Variants in SHROOM4 observed in about 807,000 individuals in gnomAD.
SHROOM4 encodes protein Shroom4.
In SHROOM4, 17 loss-of-function variants were observed where a neutral mutation model predicts 80.3. That is an observed-to-expected ratio of 0.21 (90% CI 0.14 to 0.32). SHROOM4 has a LOEUF of 0.32. Ranked by LOEUF, SHROOM4 falls within the 10% of genes least tolerant of loss-of-function variation. SHROOM4 has a pLI of 1.00. For synonymous variants in SHROOM4, 400 were observed against 437.5 expected (o/e 0.91, Z 1.07); for missense variants, 993 against 1,140.3 (o/e 0.87, Z 1.86).
chrX:50,615,098 TTGTGTGTGTGTGTG>T (rs58621277), intron 5 of SHROOM4, among the ~76,000 whole-genome samples: 1 of 98,464 alleles, frequency 1.0e-5, no homozygotes, highest in African/African-American at 3.6e-5. Flanking sequence ...GATTCTCTTA[TTGTGTGTGTGTGTG>T]TGTGTGTGTG....
At chrX:50,695,991 A>G in intron 1 of SHROOM4, 54 bp from the exon 2 acceptor site, 2 of 1,186,537 alleles carry the variant, frequency 1.7e-6, no homozygotes, top group Non-Finnish European at 2.3e-6. Context: ...TTTCTCCCCA[A>G]AATTCTACTT....
At chrX:50,720,589 A>G (rs1934082395) in intron 1 of SHROOM4, among the ~76,000 whole-genome samples, 1 of 112,162 alleles carries the variant, frequency 8.9e-6, no homozygotes, top group African/African-American at 3.2e-5. Flanking sequence ...TGAGAGATAA[A>G]GTCTTTTACT....
At chrX:50,721,435 G>T (rs781805839) in intron 1 of SHROOM4, among the ~76,000 whole-genome samples, 2 of 112,292 alleles carry the variant, frequency 1.8e-5, no homozygotes, top group Non-Finnish European at 3.8e-5. Flanking sequence ...GACCATACAG[G>T]ATAATGTCCT....
chrX:50,598,222 A>G (rs1557247002), intron 8 of SHROOM4, 44 bp downstream of exon 8: 2 of 1,204,267 alleles, frequency 1.7e-6, no homozygotes, highest in Non-Finnish European at 1.1e-6. Context: ...AGAAGAAACA[A>G]ATGGTATTTC....
intron 1 of SHROOM4, among the ~76,000 whole-genome samples, chrX:50,751,855 C>T (rs1466450608): frequency 2.7e-5 from 3 of 111,898 alleles, no homozygotes; most frequent in African/African-American, 9.7e-5. Flanking sequence ...TTGAACCCCA[C>T]TCCCGAGCTA....
At position 50,591,669 on chromosome X, in the gene SHROOM4, T is replaced by TTTC. The variant is rs1928880083; in HGVS notation, c.*5025_*5026insGAA. ...TTTGATGCTATTGTAAATGGAACTG[T>TTTC]TTTCTTTCTTTCTTTCTTTCTTTCT... On this transcript the variant is annotated 3_prime_UTR_variant, in exon 9 of 9. Coordinates refer to ENST00000376020, the MANE Select transcript of SHROOM4 (RefSeq NM_020717.5). 2 of 291,970 alleles carry TTTC rather than the reference T, an allele frequency of 6.9e-6. No homozygotes were observed. Among genetic ancestry groups the TTTC allele is most frequent in the Admixed American group, 4.7e-5 (1 of 21,480 alleles). The allele number at this position is 291,970 out of a possible 1,213,427, so 24.1% of individuals were successfully genotyped here.
At chrX:50,786,101 C>A (rs781916359) in intron 1 of SHROOM4, among the ~76,000 whole-genome samples, 1 of 111,629 alleles carries the variant, frequency 9.0e-6, no homozygotes, top group Non-Finnish European at 1.9e-5. Flanking sequence ...ATCTGAGAGA[C>A]CCTGTCAGCA....
intron 7 of SHROOM4, among the ~76,000 whole-genome samples, chrX:50,602,382 G>T (rs1480754027): frequency 2.7e-5 from 3 of 111,469 alleles, no homozygotes; most frequent in African/African-American, 9.8e-5. Flanking sequence ...GGGAGCCACC[G>T]TGCCCAGCCC....
chrX:50,795,479 A>G (rs782061989), intron 1 of SHROOM4, among the ~76,000 whole-genome samples: 1 of 110,516 alleles, frequency 9.0e-6, no homozygotes, highest in South Asian at 3.9e-4. Context: ...CCCATGAAGT[A>G]TATAAAACAA....
intron 1 of SHROOM4, among the ~76,000 whole-genome samples, chrX:50,697,664 G>A (rs782051701): frequency 2.7e-4 from 30 of 111,419 alleles, no homozygotes; most frequent in African/African-American, 8.1e-4. Flanking sequence ...TCCGGTACCC[G>A]GGCCACACTC....
In SHROOM4 at chrX:50,613,246, T is replaced by C. The variant is rs1299950657; in HGVS notation, c.2958-5062A>G. ...CTCGTGCCTCAGCCTCCCAAGTAGC[T>C]AGGACTATAGGCATGCACCACCATA... On this transcript the variant is annotated intron_variant, in intron 5 of 8. Coordinates refer to ENST00000376020, the MANE Select transcript of SHROOM4 (RefSeq NM_020717.5). Among the ~76,000 whole-genome samples the C allele has an allele frequency of 9.9e-5, 11 of 111,075 alleles. No individual in the cohort carries two copies. The East Asian group carries it at 3.1e-3, about 32-fold the overall frequency.
intron 5 of SHROOM4, among the ~76,000 whole-genome samples, chrX:50,612,612 A>T (rs1557250088): frequency 1.8e-5 from 2 of 111,832 alleles, no homozygotes; most frequent in Non-Finnish European, 3.8e-5. Flanking sequence ...GAGAATACAG[A>T]TGCAAAAATC....
chrX:50,693,158 A>C (rs375780333), intron 2 of SHROOM4, among the ~76,000 whole-genome samples: 71 of 111,776 alleles, frequency 6.4e-4, no homozygotes, highest in African/African-American at 2.3e-3. Context: ...TGGTGGAACT[A>C]TGGGAAACAC....
In SHROOM4 at chrX:50,635,609, G is replaced by T. The variant is rs1557255940; in HGVS notation, c.464C>A (p.Ser155Tyr). ...CTCCAGGCTCTCCATGCTGCCAATG[G>T]AGCTGCTTTTCTCGGTGCTGCAATG... is the stretch of plus-strand genomic sequence containing the variant. ...SRHCSTEKSS[S>Y]IGSMESLEQP... The change falls in exon 4 of 9, where the codon TCC (serine) becomes TAC (tyrosine). Residue 155 changes from serine to tyrosine, a missense_variant. Physicochemically the swap from Ser to Tyr is moderately radical, Grantham distance 144. Transcript: ENST00000376020. The T allele has an allele frequency of 1.7e-6, 2 of 1,207,420 alleles. No individual in the cohort carries two copies. Among genetic ancestry groups the T allele is most frequent in the African/African-American group, 3.5e-5 (2 of 56,346 alleles).
chrX:50,626,750 G>A (rs1930821730), intron 5 of SHROOM4, among the ~76,000 whole-genome samples: 1 of 111,750 alleles, frequency 8.9e-6, no homozygotes, highest in Admixed American at 9.5e-5. Context: ...TGTGTAATTC[G>A]GCTTGCAGCA....
intron 5 of SHROOM4, among the ~76,000 whole-genome samples, chrX:50,613,954 T>C (rs1930112625): frequency 8.9e-6 from 1 of 112,144 alleles, no homozygotes; most frequent in Non-Finnish European, 1.9e-5. Flanking sequence ...GGTAGATCCA[T>C]GGAATAAAAC....
intron 1 of SHROOM4, among the ~76,000 whole-genome samples, chrX:50,697,648 C>T (rs1933406875): frequency 9.0e-6 from 1 of 111,705 alleles, no homozygotes; most frequent in African/African-American, 3.3e-5. Context: ...ATATATATGC[C>T]TTTGTTCCGG....
intron 1 of SHROOM4, among the ~76,000 whole-genome samples, chrX:50,782,869 G>C (rs1040962568): frequency 6.3e-5 from 7 of 111,462 alleles, no homozygotes; most frequent in African/African-American, 2.3e-4. Context: ...AGGGGAAATG[G>C]GGAGTTGCTA....
chrX:50,719,495 A>C (rs1934053041), intron 1 of SHROOM4, among the ~76,000 whole-genome samples: 2 of 111,833 alleles, frequency 1.8e-5, no homozygotes, highest in South Asian at 7.5e-4. Context: ...TTCCCTGGTA[A>C]CTATAGTTCA....
Sources: gnomAD v4.1 joint callset for allele counts (sites outside exome capture counted in the v4.1 genomes callset) on GRCh38, gnomAD v4.1.1 for gene constraint, MANE v1.5 for transcripts, NCBI Gene and HGNC (gene_info 2026-07-23, HGNC 2026-07-21) for gene names.